CSMD1: variants seen among roughly 807,000 people sequenced by gnomAD.
CSMD1 encodes CUB and Sushi multiple domains 1.
In CSMD1, 213 loss-of-function variants were observed where a neutral mutation model predicts 417.5. That is an observed-to-expected ratio of 0.51 (90% CI 0.46 to 0.57). CSMD1 has a LOEUF of 0.57. CSMD1 is among the 20% of genes least tolerant of loss of function. The probability of loss-of-function intolerance (pLI) is 0.00; values close to 1 mark genes in which losing one functional copy is unlikely to be tolerated. For missense variants in CSMD1, 6,923 were observed against 4,529.7 expected (o/e 1.53, Z -15.17); for synonymous variants, 2,862 against 1,736.8 (o/e 1.65, Z -16.11).
At chr8:3,453,481 G>T (rs904107893) in intron 12 of CSMD1, among the ~76,000 whole-genome samples, 1 of 152,158 alleles carries the variant, frequency 6.6e-6, no homozygotes, top group East Asian at 1.9e-4. Flanking sequence ...ACACTGCTTT[G>T]AATGTGTCCC....
chr8:3,785,506 G>C (rs1237277806), intron 5 of CSMD1, among the ~76,000 whole-genome samples: 1 of 152,218 alleles, frequency 6.6e-6, no homozygotes, highest in Non-Finnish European at 1.5e-5. Flanking sequence ...TACATTAACG[G>C]CAGTCAAACA....
intron 3 of CSMD1, among the ~76,000 whole-genome samples, chr8:4,105,638 T>C (rs113756072): frequency 6.6e-6 from 1 of 152,028 alleles, no homozygotes; most frequent in African/African-American, 2.4e-5. Flanking sequence ...GGGATTGGAG[T>C]AGCAGGTGGA....
intron 54 of CSMD1, among the ~76,000 whole-genome samples, chr8:2,996,145 C>G (rs1366425173): frequency 6.6e-6 from 1 of 151,926 alleles, no homozygotes; most frequent in Non-Finnish European, 1.5e-5. Flanking sequence ...AATGTATTTA[C>G]TCATTCAACA....
chr8:3,443,500 G>A (rs764249422), intron 12 of CSMD1, among the ~76,000 whole-genome samples: 5 of 152,142 alleles, frequency 3.3e-5, no homozygotes, highest in East Asian at 3.9e-4. Flanking sequence ...ATATGTGTGC[G>A]TCTGTTTCTT....
intron 3 of CSMD1, among the ~76,000 whole-genome samples, chr8:4,298,416 A>G (rs1252190105): frequency 6.6e-6 from 1 of 152,136 alleles, no homozygotes; most frequent in Non-Finnish European, 1.5e-5. Flanking sequence ...ACTAGACACT[A>G]GACTGTTATA....
intron 3 of CSMD1, among the ~76,000 whole-genome samples, chr8:4,285,916 C>G (rs150298566): frequency 1.5e-4 from 23 of 152,248 alleles, no homozygotes; most frequent in Non-Finnish European, 2.8e-4. Context: ...TAAATACCAT[C>G]TGCACAAACC....
At position 4,230,484 on chromosome 8, in the gene CSMD1, A is replaced by C. The variant is rs182499698; in HGVS notation, c.415+189469T>G. Among the ~76,000 whole-genome samples, 23 of 152,306 alleles carry C rather than the reference A, an allele frequency of 1.5e-4. 1 individual carries two copies. In the East Asian group the frequency reaches 4.2e-3, roughly 28 times the overall value. On this transcript the variant is annotated intron_variant, in intron 3 of 69. Coordinates refer to ENST00000635120, the MANE Select transcript of CSMD1 (RefSeq NM_033225.6). ...AATCAATAACTATTAAACTCTGCTC[A>C]AAGTAGATATAATGGTTACTGTCCT...
At chr8:4,336,416 C>T (rs906954763) in intron 3 of CSMD1, among the ~76,000 whole-genome samples, 2 of 152,134 alleles carry the variant, frequency 1.3e-5, no homozygotes, top group African/African-American at 4.8e-5. Flanking sequence ...GATGGAATGA[C>T]CCTAAGGCCC....
intron 59 of CSMD1, among the ~76,000 whole-genome samples, chr8:2,964,144 T>C (rs1803740558): frequency 6.6e-6 from 1 of 152,230 alleles, no homozygotes; most frequent in South Asian, 2.1e-4. Context: ...TTGAAATGAA[T>C]GGAAGTTTCC....
chr8:3,854,582 G>C (rs912546798), intron 5 of CSMD1, among the ~76,000 whole-genome samples: 4 of 151,974 alleles, frequency 2.6e-5, no homozygotes, highest in African/African-American at 9.7e-5. Flanking sequence ...CCCTGCACTG[G>C]AACTCCCTCA....
chr8:4,402,036 T>G (rs1804679857), intron 3 of CSMD1, among the ~76,000 whole-genome samples: 1 of 152,146 alleles, frequency 6.6e-6, no homozygotes, highest in East Asian at 1.9e-4. Flanking sequence ...CGTGGTGACT[T>G]CACTATCCTG....
chr8:4,253,392 A>C (rs1466470600), intron 3 of CSMD1, among the ~76,000 whole-genome samples: 1 of 151,434 alleles, frequency 6.6e-6, no homozygotes, highest in Non-Finnish European at 1.5e-5. Flanking sequence ...CATTGAGTCC[A>C]TAATCTCAAA....
At chr8:4,933,069 C>T (rs942438077) in intron 1 of CSMD1, among the ~76,000 whole-genome samples, 2 of 149,486 alleles carry the variant, frequency 1.3e-5, no homozygotes, top group Non-Finnish European at 1.5e-5. Context: ...TAATCAATAG[C>T]ACTTTCTTTT....
chr8:3,911,086 C>A (rs868530092), intron 5 of CSMD1, among the ~76,000 whole-genome samples: 9 of 152,234 alleles, frequency 5.9e-5, no homozygotes, highest in African/African-American at 2.2e-4. Context: ...AAAATTCTGT[C>A]AAATCACCTT....
chr8:4,424,032 A>G (rs796214241), intron 2 of CSMD1, among the ~76,000 whole-genome samples: 2 of 152,090 alleles, frequency 1.3e-5, no homozygotes, highest in Admixed American at 6.6e-5. Flanking sequence ...AACACCTTAT[A>G]TAAAAATTAC....
intron 6 of CSMD1, among the ~76,000 whole-genome samples, chr8:3,716,304 A>T (rs1801828602): frequency 6.6e-6 from 1 of 152,216 alleles, no homozygotes; most frequent in Non-Finnish European, 1.5e-5. Context: ...CACAGACTAA[A>T]GTGAAAGCAA....
intron 27 of CSMD1, among the ~76,000 whole-genome samples, chr8:3,226,174 T>G (rs557786691): frequency 8.5e-5 from 13 of 152,338 alleles, no homozygotes; most frequent in African/African-American, 3.1e-4. Flanking sequence ...AATGAATTTC[T>G]GCAAACCTAG....
chr8:4,386,204 C>T (rs1445737650), intron 3 of CSMD1, among the ~76,000 whole-genome samples: 2 of 152,006 alleles, frequency 1.3e-5, no homozygotes, highest in Admixed American at 6.6e-5. Flanking sequence ...ACCTTCCATC[C>T]CTGGTTATGA....
chr8:4,787,811 A>G (rs1249512027), intron 1 of CSMD1: 9 of 1,575,618 alleles, frequency 5.7e-6, no homozygotes, highest in African/African-American at 2.7e-5. Context: ...ATCATGAGTC[A>G]TGCTACACAG....
Sources: allele counts gnomAD v4.1 joint callset (sites outside exome capture counted in the v4.1 genomes callset), GRCh38; gene constraint gnomAD v4.1.1; transcripts MANE v1.5; gene names NCBI Gene and HGNC (gene_info 2026-07-23, HGNC 2026-07-21).